Variants in MBTPS1 observed in about 807,000 individuals in gnomAD.
MBTPS1 encodes the protein membrane-bound transcription factor site-1 protease.
In MBTPS1, 94 loss-of-function variants were observed where a neutral mutation model predicts 127.8. The observed-to-expected ratio is 0.74, with a 90% confidence interval of 0.62 to 0.87. MBTPS1 has a LOEUF of 0.87. Ranked by LOEUF, MBTPS1 falls within the 40% of genes least tolerant of loss-of-function variation. MBTPS1 has a pLI of 0.00. For missense variants in MBTPS1, 1,636 were observed against 1,353.2 expected (o/e 1.21, Z -3.28); for synonymous variants, 632 against 509.4 (o/e 1.24, Z -3.24).
chr16:84,070,496 T>A (rs2085754029), intron 13 of MBTPS1, 92 bp downstream of exon 13: 1 of 1,306,426 alleles, frequency 7.7e-7, no homozygotes, highest in Admixed American at 2.0e-5. Context: ...CAACTGTACT[T>A]CCAATGGAGA....
chr16:84,068,133 C>T (rs1187727815), intron 15 of MBTPS1, among the ~76,000 whole-genome samples: 2 of 152,270 alleles, frequency 1.3e-5, no homozygotes, highest in African/African-American at 2.4e-5. Flanking sequence ...GTCCCTGTCT[C>T]CAATCAGCCT....
At chr16:84,098,989 T>G in intron 3 of MBTPS1, 64 bp downstream of exon 3, 1 of 1,475,934 alleles carries the variant, frequency 6.8e-7, no homozygotes, top group Non-Finnish European at 9.4e-7. Flanking sequence ...TTTCAACTAC[T>G]CTGCAGTTTG....
chr16:84,080,712 C>G (rs1231166420), intron 11 of MBTPS1, among the ~76,000 whole-genome samples: 1 of 152,250 alleles, frequency 6.6e-6, no homozygotes, highest in African/African-American at 2.4e-5. Context: ...GATTTCCCAT[C>G]AGCCAAAACT....
intron 2 of MBTPS1, among the ~76,000 whole-genome samples, chr16:84,099,909 T>C (rs534102271): frequency 2.6e-5 from 4 of 152,146 alleles, no homozygotes; most frequent in African/African-American, 4.8e-5. Flanking sequence ...GAAATGTATA[T>C]AATTTTTATC....
chr16:84,087,269 A>G (rs1203676476), intron 9 of MBTPS1, 89 bp downstream of exon 9: 3 of 999,724 alleles, frequency 3.0e-6, no homozygotes, highest in African/African-American at 3.2e-5. Context: ...TGCACTTACA[A>G]ATACACCCCA....
chr16:84,112,238 C>A (rs1179610495), intron 1 of MBTPS1, among the ~76,000 whole-genome samples: 1 of 152,102 alleles, frequency 6.6e-6, no homozygotes, highest in South Asian at 2.1e-4. Flanking sequence ...CTGAAAGACA[C>A]ATACCAAAAT....
At chr16:84,088,317 A>G (rs2151160668) in intron 8 of MBTPS1, among the ~76,000 whole-genome samples, 1 of 152,258 alleles carries the variant, frequency 6.6e-6, no homozygotes, top group East Asian at 1.9e-4. Flanking sequence ...TTTTTAACTG[A>G]CAATTCCCAA....
chr16:84,075,684 G>C (rs2085845458), intron 11 of MBTPS1: 1 of 152,162 alleles, frequency 6.6e-6, no homozygotes, highest in Admixed American at 6.5e-5. Context: ...CTTTTTATTA[G>C]TTTGTAATAA....
intron 12 of MBTPS1, chr16:84,071,795 G>A (rs574954348): frequency 1.3e-5 from 2 of 152,308 alleles, no homozygotes; most frequent in African/African-American, 4.8e-5. Flanking sequence ...AAAGGGAAAA[G>A]AGCATCACCT....
chr16:84,091,638 T>G, intron 7 of MBTPS1, 94 bp downstream of exon 7: 1 of 823,518 alleles, frequency 1.2e-6, no homozygotes, highest in Non-Finnish European at 2.1e-6. Flanking sequence ...ACCACCTGGA[T>G]GAAAAGCCAC....
chr16:84,079,822 G>C (rs1055543091), intron 11 of MBTPS1, among the ~76,000 whole-genome samples: 2 of 152,254 alleles, frequency 1.3e-5, no homozygotes, highest in African/African-American at 4.8e-5. Context: ...TACATACACA[G>C]ATAGGCAGAT....
rs756469681 is a variant in MBTPS1 at position 84,095,690 on chromosome 16, C to T, written c.537G>A (p.Arg179=). 2 of 1,614,230 alleles carry T rather than the reference C, an allele frequency of 1.2e-6. No homozygotes were observed. Among genetic ancestry groups the T allele is most frequent in the East Asian group, 2.2e-5 (1 of 44,888 alleles). ...LGSGFWHATG[R]HSSRRLLRAI... Reference sequence around the variant, plus strand: ...CTCTCAGCAGCCGTCTGCTCGAATGCCTTCCCGTAGCATGCCAGAAGCCAG... The same window carrying T: ...CTCTCAGCAGCCGTCTGCTCGAATGTCTTCCCGTAGCATGCCAGAAGCCAG... Residue 179 remains arginine (R), a synonymous_variant, in exon 4 of 23, where the codon AGG becomes AGA. Coordinates refer to ENST00000343411, the MANE Select transcript of MBTPS1 (RefSeq NM_003791.4).
At chr16:84,114,995 C>G (rs1301515298) in intron 1 of MBTPS1, among the ~76,000 whole-genome samples, 1 of 151,816 alleles carries the variant, frequency 6.6e-6, no homozygotes, top group African/African-American at 2.4e-5. Flanking sequence ...GCGGCGTGAT[C>G]TTGGCTCACT....
At chr16:84,090,742 G>C in intron 8 of MBTPS1, 133 bp downstream of exon 8, 1 of 684,572 alleles carries the variant, frequency 1.5e-6, no homozygotes, top group Non-Finnish European at 2.6e-6. Context: ...TTTTACATGA[G>C]GAAAACATCC....
At chr16:84,069,664 A>G (rs2085741664) in intron 14 of MBTPS1, among the ~76,000 whole-genome samples, 1 of 152,242 alleles carries the variant, frequency 6.6e-6, no homozygotes, top group South Asian at 2.1e-4. Context: ...CAAGCTTTTT[A>G]CTGCATAATC....
intron 3 of MBTPS1, among the ~76,000 whole-genome samples, chr16:84,096,873 T>G (rs1029201983): frequency 2.0e-5 from 3 of 152,248 alleles, no homozygotes; most frequent in African/African-American, 2.4e-5. Context: ...GGAATGGGCC[T>G]GCTCTGCTTG....
Position 84,091,765 on chromosome 16 carries a change from G to A in MBTPS1, c.930C>T (p.Gly310=). 1.2e-6 allele frequency: 2 copies of A among 1,614,072 alleles called. No homozygotes were observed. Among genetic ancestry groups the A allele is most frequent in the South Asian group, 1.1e-5 (1 of 91,086 alleles). Reference sequence around the variant, plus strand: ...CAAACGGATGATCCATGAAGTCCGGGCCGCCGATGCTGAGGTTTAACACGT... The same window carrying A: ...CAAACGGATGATCCATGAAGTCCGGACCGCCGATGCTGAGGTTTAACACGT... The part of the protein sequence containing the change: ...KIDVLNLSIG[G]PDFMDHPFVD... Residue 310 remains glycine, a synonymous_variant, in exon 7 of 23, where the codon GGC becomes GGT. Transcript: ENST00000343411.
intron 1 of MBTPS1, among the ~76,000 whole-genome samples, chr16:84,115,903 TA>T (rs1299639030): frequency 6.6e-6 from 1 of 150,588 alleles, no homozygotes; most frequent in Non-Finnish European, 1.5e-5. Context: ...GCTCTTACAT[TA>T]AAAAATAAGT....
intron 1 of MBTPS1, among the ~76,000 whole-genome samples, chr16:84,107,832 G>A (rs900376979): frequency 6.6e-6 from 1 of 150,848 alleles, no homozygotes; most frequent in Admixed American, 6.6e-5. Context: ...AGCCTACCAA[G>A]TTGCACGGAC....
Sources: allele counts gnomAD v4.1 joint callset (sites outside exome capture counted in the v4.1 genomes callset), GRCh38; gene constraint gnomAD v4.1.1; transcripts MANE v1.5; gene names NCBI Gene and HGNC (gene_info 2026-07-23, HGNC 2026-07-21).